Variants in ENDOD1 observed in about 807,000 individuals in gnomAD.
ENDOD1 encodes the protein endonuclease domain containing 1.
In ENDOD1, 9 loss-of-function variants were observed where a neutral mutation model predicts 6.5. That is an observed-to-expected ratio of 1.39 (90% CI 0.84 to 2.43). ENDOD1 has a LOEUF of 2.43. ENDOD1 is among the 30% of genes most tolerant of loss of function. ENDOD1 has a pLI of 0.00. For missense variants in ENDOD1, 648 were observed against 635.5 expected, an observed-to-expected ratio of 1.02 and a Z score of -0.21; for synonymous variants, 255 against 255.2, an observed-to-expected ratio of 1.00 and a Z score of 0.01.
At chr11:95,112,468 T>A (rs1208242112) in intron 1 of ENDOD1, among the ~76,000 whole-genome samples, 1 of 152,236 alleles carries the variant, frequency 6.6e-6, no homozygotes, top group African/African-American at 2.4e-5. Flanking sequence ...GATACCTATC[T>A]TGTAGGGTTA....
intron 1 of ENDOD1, among the ~76,000 whole-genome samples, chr11:95,122,929 C>A (rs554871189): frequency 4.7e-4 from 71 of 152,282 alleles, no homozygotes; most frequent in African/African-American, 1.7e-3. Flanking sequence ...TGGCTCACGC[C>A]TGTAATCCCA....
At chr11:95,126,224 G>A (rs1375543791) in intron 1 of ENDOD1, among the ~76,000 whole-genome samples, 3 of 152,190 alleles carry the variant, frequency 2.0e-5, no homozygotes, top group Non-Finnish European at 4.4e-5. Context: ...CTACAAGAGA[G>A]TGTCTTCATT....
intron 1 of ENDOD1, among the ~76,000 whole-genome samples, chr11:95,109,028 C>A (rs1859121659): frequency 6.6e-6 from 1 of 152,114 alleles, no homozygotes; most frequent in South Asian, 2.1e-4. Flanking sequence ...TGGGTGTGTG[C>A]CTATATTGTA....
At position 95,129,219 on chromosome 11, in the gene ENDOD1, A is replaced by G. The variant is rs1390158552; in HGVS notation, c.1143A>G (p.Ser381=). 1.9e-6 allele frequency: 3 copies of G among 1,614,220 alleles called. No individual in the cohort carries two copies. The highest frequency in any genetic ancestry group is 2.5e-6 in the Non-Finnish European group (3 of 1,180,036). ...AAAGTTGCCTTTACCGCCTGGGCTC[A>G]GCCACCATCTCATACTTCATGGCCA... ...GIESCLYRLG[S]ATISYFMAIG... is the part of the protein sequence containing the mutation. The change falls in exon 2 of 2, where the codon TCA becomes TCG. Residue 381 remains serine (S), a synonymous_variant. Transcript: ENST00000278505.
At chr11:95,126,209 C>T (rs916980974) in intron 1 of ENDOD1, among the ~76,000 whole-genome samples, 31 of 152,344 alleles carry the variant, frequency 2.0e-4, no homozygotes, top group Admixed American at 1.4e-3. Flanking sequence ...TACCCCTATG[C>T]ATACCTACAA....
chr11:95,115,295 G>A (rs894699869), intron 1 of ENDOD1, among the ~76,000 whole-genome samples: 2 of 150,588 alleles, frequency 1.3e-5, no homozygotes, highest in Non-Finnish European at 3.0e-5. Context: ...CTGATTATTC[G>A]CTGTTGATAT....
chr11:95,122,969 A>C (rs1345273099), intron 1 of ENDOD1, among the ~76,000 whole-genome samples: 1 of 152,104 alleles, frequency 6.6e-6, no homozygotes, highest in Non-Finnish European at 1.5e-5. Context: ...CGGGCAGATC[A>C]CTTGAGGTCA....
chr11:95,118,457 G>T (rs781818642), intron 1 of ENDOD1, among the ~76,000 whole-genome samples: 2 of 151,890 alleles, frequency 1.3e-5, no homozygotes, highest in African/African-American at 4.8e-5. Flanking sequence ...AGTTTTTTTC[G>T]TTCAGCACTC....
chr11:95,110,917 C>T (rs1301869402), intron 1 of ENDOD1, among the ~76,000 whole-genome samples: 1 of 152,110 alleles, frequency 6.6e-6, no homozygotes, highest in African/African-American at 2.4e-5. Flanking sequence ...AAGGAACTCC[C>T]TTGTCCCTGT....
chr11:95,111,692 G>A (rs569920830), intron 1 of ENDOD1, among the ~76,000 whole-genome samples: 1 of 152,246 alleles, frequency 6.6e-6, no homozygotes, highest in African/African-American at 2.4e-5. Context: ...GGTGATGCAA[G>A]TGTTAGGGAA....
intron 1 of ENDOD1, among the ~76,000 whole-genome samples, chr11:95,124,696 A>T (rs980011321): frequency 1.5e-4 from 23 of 152,186 alleles, no homozygotes; most frequent in Non-Finnish European, 2.6e-4. Flanking sequence ...ATGTAAGTGT[A>T]TGGGAAATTT....
At chr11:95,122,927 G>T (rs940456791) in intron 1 of ENDOD1, among the ~76,000 whole-genome samples, 1 of 152,104 alleles carries the variant, frequency 6.6e-6, no homozygotes, top group Non-Finnish European at 1.5e-5. Context: ...CATGGCTCAC[G>T]CCTGTAATCC....
intron 1 of ENDOD1, among the ~76,000 whole-genome samples, chr11:95,099,332 G>A (rs781837335): frequency 1.6e-4 from 24 of 152,230 alleles, no homozygotes; most frequent in African/African-American, 9.6e-5. Context: ...ATCTCTGGGC[G>A]TATGGAGACA....
At chr11:95,096,639 G>A (rs1858987865) in intron 1 of ENDOD1, among the ~76,000 whole-genome samples, 1 of 152,132 alleles carries the variant, frequency 6.6e-6, no homozygotes, top group South Asian at 2.1e-4. Context: ...TACTTTAAGG[G>A]CTGATTGGTC....
intron 1 of ENDOD1, among the ~76,000 whole-genome samples, chr11:95,111,342 G>T (rs1365231212): frequency 6.6e-6 from 1 of 152,168 alleles, no homozygotes; most frequent in Admixed American, 6.5e-5. Flanking sequence ...TCATGGAAGA[G>T]AATTTTTCCA....
intron 1 of ENDOD1, among the ~76,000 whole-genome samples, chr11:95,100,915 A>G (rs1398243127): frequency 7.7e-6 from 1 of 130,180 alleles, no homozygotes; most frequent in Non-Finnish European, 1.6e-5. Context: ...AAGTAGGTCA[A>G]CTGCCCATGA....
intron 1 of ENDOD1, among the ~76,000 whole-genome samples, chr11:95,126,369 T>C (rs2134175178): frequency 6.6e-6 from 1 of 152,326 alleles, no homozygotes; most frequent in African/African-American, 2.4e-5. Flanking sequence ...GGGAATCAGT[T>C]AACAAGAATT....
Position 95,090,131 on chromosome 11 carries a change from C to CT in ENDOD1, c.205dup (p.Tyr69LeufsTer35), listed in dbSNP as rs1555109679. ...AGGGTGCTGAGCGCTTCGCCACCCT[C>CT]TACAGCACCCGGGACCGCATCCCCG... is the stretch of plus-strand genomic sequence containing the variant. On this transcript the variant is annotated frameshift_variant, in exon 1 of 2. Coordinates refer to ENST00000278505, the MANE Select transcript of ENDOD1 (RefSeq NM_015036.3). LOFTEE classifies it high-confidence loss of function. 1 of 1,545,948 alleles carries CT rather than the reference C, an allele frequency of 6.5e-7. No homozygotes were observed. The highest frequency in any genetic ancestry group is 1.9e-5 in the Admixed American group (1 of 52,252).
chr11:95,096,282 A>G (rs1858985111), intron 1 of ENDOD1, among the ~76,000 whole-genome samples: 1 of 74,724 alleles, frequency 1.3e-5, no homozygotes, highest in Non-Finnish European at 2.4e-5. Context: ...TGCATGTTAT[A>G]TCTTCTGAAT....
Sources: gnomAD v4.1 joint callset for allele counts (sites outside exome capture counted in the v4.1 genomes callset) on GRCh38, gnomAD v4.1.1 for gene constraint, MANE v1.5 for transcripts, NCBI Gene and HGNC (gene_info 2026-07-23, HGNC 2026-07-21) for gene names.